Variants in OPCML observed in about 807,000 individuals in gnomAD.
OPCML encodes the protein opioid-binding protein/cell adhesion molecule.
OPCML carries 13 observed loss-of-function variants against 37.8 expected under a neutral mutation model. The ratio of observed to expected loss-of-function variants is 0.34; its 90% CI spans 0.22 to 0.55. OPCML has a LOEUF of 0.55. OPCML is among the 20% of genes least tolerant of loss of function. The pLI is 0.91. For missense variants in OPCML, 341 were observed against 435.6 expected (o/e 0.78, Z 1.93); for synonymous variants, 176 against 168.8 (o/e 1.04, Z -0.33).
intron 1 of OPCML, among the ~76,000 whole-genome samples, chr11:133,397,549 G>C (rs1411156371): frequency 6.6e-6 from 1 of 152,344 alleles, no homozygotes; most frequent in East Asian, 1.9e-4. Flanking sequence ...GAGAGGGAAT[G>C]TCCCAGGTAC....
At chr11:132,934,910 T>TG (rs1301368542) in intron 2 of OPCML, among the ~76,000 whole-genome samples, 1 of 152,046 alleles carries the variant, frequency 6.6e-6, no homozygotes, top group East Asian at 1.9e-4. Flanking sequence ...GAGGCCGGGA[T>TG]GGGGGGAACA....
chr11:133,512,484 T>A (rs1948181593), intron 1 of OPCML, among the ~76,000 whole-genome samples: 2 of 152,216 alleles, frequency 1.3e-5, no homozygotes, highest in Non-Finnish European at 2.9e-5. Context: ...GTCCTTTGGC[T>A]TTTTAATGGA....
chr11:133,017,990 G>T (rs757398954), intron 1 of OPCML, among the ~76,000 whole-genome samples: 1 of 152,152 alleles, frequency 6.6e-6, no homozygotes. Context: ...CCTTGGTAGC[G>T]CTCTGGGAGC....
At chr11:132,865,385 A>G (rs1591722550) in intron 2 of OPCML, among the ~76,000 whole-genome samples, 1 of 152,194 alleles carries the variant, frequency 6.6e-6, no homozygotes, top group Admixed American at 6.5e-5. Context: ...TTTTGCAAAC[A>G]CTGTAAAAAC....
intron 1 of OPCML, among the ~76,000 whole-genome samples, chr11:133,102,925 T>C (rs2137075419): frequency 6.6e-6 from 1 of 152,288 alleles, no homozygotes; most frequent in East Asian, 1.9e-4. Context: ...CCCTAGGAAC[T>C]GTATCAGGTT....
chr11:132,490,148 A>G (rs2096211356), intron 4 of OPCML, among the ~76,000 whole-genome samples: 1 of 151,910 alleles, frequency 6.6e-6, no homozygotes, highest in Non-Finnish European at 1.5e-5. Flanking sequence ...TCTGTGGCCC[A>G]TTATTGACAT....
intron 1 of OPCML, among the ~76,000 whole-genome samples, chr11:133,127,805 G>T (rs1949539940): frequency 6.6e-6 from 1 of 152,080 alleles, no homozygotes; most frequent in South Asian, 2.1e-4. Context: ...TCTAAAAGGG[G>T]AATATAAGGG....
chr11:132,462,221 C>A (rs1304149873), intron 4 of OPCML, among the ~76,000 whole-genome samples: 1 of 152,264 alleles, frequency 6.6e-6, no homozygotes, highest in South Asian at 2.1e-4. Context: ...CCGCACCGCC[C>A]CCGCCACACA....
chr11:133,132,772 A>C (rs1180008480), intron 1 of OPCML, among the ~76,000 whole-genome samples: 1 of 152,118 alleles, frequency 6.6e-6, no homozygotes, highest in African/African-American at 2.4e-5. Flanking sequence ...CATTCTCTAT[A>C]ATTCTATTTA....
At chr11:132,536,009 G>A (rs906980416) in intron 3 of OPCML, among the ~76,000 whole-genome samples, 1 of 152,122 alleles carries the variant, frequency 6.6e-6, no homozygotes, top group Admixed American at 6.5e-5. Context: ...GGAAGCAATA[G>A]TGTCAGAAAG....
chr11:132,718,366 A>G (rs1591511225), intron 2 of OPCML, among the ~76,000 whole-genome samples: 1 of 152,208 alleles, frequency 6.6e-6, no homozygotes, highest in Non-Finnish European at 1.5e-5. Flanking sequence ...CAAAATGAGT[A>G]TTTAGAATGA....
intron 1 of OPCML, among the ~76,000 whole-genome samples, chr11:133,383,132 C>A (rs918625557): frequency 6.6e-6 from 1 of 152,136 alleles, no homozygotes. Flanking sequence ...CCCTCCCTCC[C>A]TTTCCTGCCT....
chr11:132,890,773 C>A lies in OPCML; in HGVS notation c.146+52153G>T, dbSNP rs1434736166. 1.1e-4 allele frequency among the ~76,000 whole-genome samples: 16 copies of A among 147,126 alleles called. No individual in the cohort carries two copies. In the Admixed American group the frequency reaches 1.1e-3, roughly 10 times the overall value. Reference sequence around the variant, plus strand: ...TCAGGAGGCTGAGGCAGAAGAATGGCGTGACCCCGGGAAGCAGAGCTTGCA... The same window carrying A: ...TCAGGAGGCTGAGGCAGAAGAATGGAGTGACCCCGGGAAGCAGAGCTTGCA... On this transcript the variant is annotated intron_variant, in intron 2 of 7. Coordinates refer to ENST00000524381, the MANE Select transcript of OPCML (RefSeq NM_001012393.5).
chr11:132,856,601 G>A (rs549656987), intron 2 of OPCML, among the ~76,000 whole-genome samples: 40 of 152,294 alleles, frequency 2.6e-4, no homozygotes, highest in South Asian at 1.5e-3. Context: ...TGGACAAGCC[G>A]ACTCAAGCAT....
intron 1 of OPCML, among the ~76,000 whole-genome samples, chr11:133,073,076 T>C (rs1011258028): frequency 4.6e-5 from 7 of 152,180 alleles, no homozygotes; most frequent in Admixed American, 4.6e-4. Context: ...CTGAACAGCC[T>C]TCTGAGGAAC....
intron 1 of OPCML, among the ~76,000 whole-genome samples, chr11:133,463,332 A>G (rs1946902289): frequency 6.6e-6 from 1 of 152,044 alleles, no homozygotes; most frequent in Admixed American, 6.6e-5. Flanking sequence ...GATTATTGTG[A>G]TGGTTGCACC....
At chr11:132,658,977 A>C (rs187376904) in intron 2 of OPCML, among the ~76,000 whole-genome samples, 1 of 152,336 alleles carries the variant, frequency 6.6e-6, no homozygotes, top group Admixed American at 6.5e-5. Flanking sequence ...CATCCCTTGC[A>C]CACCAGCAGT....
intron 4 of OPCML, among the ~76,000 whole-genome samples, chr11:132,462,075 G>A (rs1483142811): frequency 6.6e-6 from 1 of 152,106 alleles, no homozygotes; most frequent in Admixed American, 6.5e-5. Flanking sequence ...TGAAATGGGG[G>A]CCAGTCTTGT....
At chr11:133,310,419 T>A (rs1395263954) in intron 1 of OPCML, among the ~76,000 whole-genome samples, 1 of 152,172 alleles carries the variant, frequency 6.6e-6, no homozygotes, top group East Asian at 1.9e-4. Context: ...TAAAAGGCAT[T>A]TCCCTTAGTT....
Sources: gnomAD v4.1 joint callset for allele counts (sites outside exome capture counted in the v4.1 genomes callset) on GRCh38, gnomAD v4.1.1 for gene constraint, MANE v1.5 for transcripts, NCBI Gene and HGNC (gene_info 2026-07-23, HGNC 2026-07-21) for gene names.